Variants in PREX2 observed in about 807,000 individuals in gnomAD.
PREX2 encodes the protein phosphatidylinositol 3,4,5-trisphosphate-dependent Rac exchanger 2 protein.
A neutral mutation model predicts 203.2 loss-of-function variants in PREX2; 107 were observed. That is an observed-to-expected ratio of 0.53 (90% CI 0.45 to 0.62). PREX2 has a LOEUF of 0.62. Ranked by LOEUF, PREX2 falls within the 20% of genes least tolerant of loss-of-function variation. The pLI, the probability that PREX2 is intolerant of heterozygous loss-of-function variation, is 0.00. For synonymous variants in PREX2, 672 were observed against 663.6 expected (o/e 1.01, Z -0.19); for missense variants, 1,777 against 1,955.9 (o/e 0.91, Z 1.72).
chr8:68,027,959 G>A (rs931420731), intron 5 of PREX2, among the ~76,000 whole-genome samples: 6 of 151,932 alleles, frequency 3.9e-5, no homozygotes, highest in Non-Finnish European at 7.4e-5. Context: ...TACTGCAAGG[G>A]ACCTATGAAT....
chr8:68,104,156 C>T (rs1469692790), intron 23 of PREX2, among the ~76,000 whole-genome samples: 1 of 152,174 alleles, frequency 6.6e-6, no homozygotes, highest in Non-Finnish European at 1.5e-5. Context: ...GCTTTACCTT[C>T]AAACATGCAG....
chr8:67,989,525 C>T (rs1451957489), intron 1 of PREX2, among the ~76,000 whole-genome samples: 1 of 152,082 alleles, frequency 6.6e-6, no homozygotes, highest in African/African-American at 2.4e-5. Flanking sequence ...AGTATTTGAA[C>T]TGTTTAGCCA....
rs574007135 is a variant in PREX2, at chr8:67,959,769, C to A, written c.141+7234C>A. ...CTGCCTGGGATGGTCTTTGTGGCCC[C>A]TTGTGAACACATACCAGAGGCTCTC... is the stretch of plus-strand genomic sequence containing the variant. On this transcript the variant is annotated intron_variant, in intron 1 of 39. Transcript: ENST00000288368. Among the ~76,000 whole-genome samples the A allele has an allele frequency of 6.8e-4, 103 of 152,242 alleles. 1 individual carries two copies. Among genetic ancestry groups the A allele is most frequent in the Middle Eastern group, 6.8e-3 (2 of 294 alleles).
At chr8:68,044,428 T>C (rs1408345676) in intron 7 of PREX2, 59 bp from the exon 8 acceptor site, 1 of 1,221,194 alleles carries the variant, frequency 8.2e-7, no homozygotes, top group Non-Finnish European at 1.2e-6. Flanking sequence ...AATATATTGT[T>C]TTGACATTGT....
At chr8:67,968,813 T>C (rs1365846796) in intron 1 of PREX2, among the ~76,000 whole-genome samples, 3 of 152,150 alleles carry the variant, frequency 2.0e-5, no homozygotes, top group Non-Finnish European at 4.4e-5. Flanking sequence ...TCTGACAAAA[T>C]GGAGACAATC....
intron 11 of PREX2, among the ~76,000 whole-genome samples, chr8:68,067,731 T>C (rs1344288096): frequency 1.3e-5 from 2 of 152,098 alleles, no homozygotes; most frequent in Non-Finnish European, 2.9e-5. Context: ...CCCTAATTGC[T>C]CTGGTTAGGA....
In PREX2 at chr8:68,069,085, T is replaced by C; in HGVS notation, c.1392T>C (p.Tyr464=). The change falls in exon 12 of 40, where the codon TAT becomes TAC. Residue 464 remains tyrosine (Y), a synonymous_variant. Coordinates refer to ENST00000288368, the MANE Select transcript of PREX2 (RefSeq NM_024870.4). ...AACAGATGTTATATAGATTTCGCTA[T>C]GATGATGGAACATTTTATCCAAGAA... ...KPEQMLYRFR[Y]DDGTFYPRNE... is the part of the protein sequence containing the mutation. The C allele has an allele frequency of 6.3e-7, 1 of 1,576,398 alleles. No individual in the cohort carries two copies. Among genetic ancestry groups the C allele is most frequent in the Non-Finnish European group, 8.6e-7 (1 of 1,164,940 alleles).
chr8:68,179,801 T>A (rs1812050872), intron 35 of PREX2, among the ~76,000 whole-genome samples: 1 of 152,202 alleles, frequency 6.6e-6, no homozygotes, highest in South Asian at 2.1e-4. Flanking sequence ...GAATTCATAA[T>A]GTGTGATTAG....
intron 10 of PREX2, among the ~76,000 whole-genome samples, chr8:68,060,163 A>G (rs779048211): frequency 1.1e-4 from 16 of 152,172 alleles, no homozygotes; most frequent in Middle Eastern, 3.2e-3. Context: ...TTTCTGTAGA[A>G]TCCTACCTAC....
At chr8:68,109,155 ATAT>A in intron 24 of PREX2, 1 of 482,420 alleles carries the variant, frequency 2.1e-6, no homozygotes, top group South Asian at 2.1e-5. Context: ...TATAGTTAAC[ATAT>A]TGTATTCTTG....
Position 68,231,752 on chromosome 8 carries a change from TC to T in PREX2, c.*377del, listed in dbSNP as rs1813175047. On this transcript the variant is annotated 3_prime_UTR_variant, in exon 40 of 40. Coordinates refer to ENST00000288368, the MANE Select transcript of PREX2 (RefSeq NM_024870.4). ...GTTTTATTATGCTTGTTTTCATCTTTCCCAAGTGGACACATGTAATAATGGA... is the reference window on the plus strand; with the variant it reads ...GTTTTATTATGCTTGTTTTCATCTTTCCAAGTGGACACATGTAATAATGGA... 1 of 190,440 alleles carries T rather than the reference TC, an allele frequency of 5.3e-6. No homozygotes were observed. The highest frequency in any genetic ancestry group is 9.4e-5 in the East Asian group (1 of 10,682). The allele number at this position is 190,440 out of a possible 1,614,324, so 11.8% of individuals were successfully genotyped here.
intron 1 of PREX2, 107 bp downstream of exon 1, chr8:67,952,642 C>A: frequency 6.9e-7 from 1 of 1,457,958 alleles, no homozygotes; most frequent in Non-Finnish European, 9.4e-7. Context: ...GGACCCGGGA[C>A]GGGTCGGGGC....
intron 14 of PREX2, 108 bp from the exon 15 acceptor site, chr8:68,077,289 A>T: frequency 1.3e-6 from 1 of 791,268 alleles, no homozygotes. Context: ...TGCATGCTTT[A>T]TAAGCGAAGC....
chr8:68,106,809 A>AT (rs1340358680), intron 23 of PREX2, among the ~76,000 whole-genome samples: 3 of 152,312 alleles, frequency 2.0e-5, no homozygotes, highest in Middle Eastern at 3.4e-3. Flanking sequence ...GATCATGGTT[A>AT]TAGTTTTCAA....
chr8:68,145,132 A>C (rs1257111954), intron 33 of PREX2, among the ~76,000 whole-genome samples: 1 of 152,188 alleles, frequency 6.6e-6, no homozygotes, highest in Non-Finnish European at 1.5e-5. Context: ...CAGAAAAAAA[A>C]GATTTTCCCA....
rs118075292 is a variant in PREX2 at position 68,112,154 on chromosome 8, C to A, written c.3146+2531C>A. On this transcript the variant is annotated intron_variant, in intron 25 of 39. Transcript: ENST00000288368. Reference sequence around the variant, plus strand: ...ATGGAATTAGAGATGAATTTGCTGTCTAGTAACATGAGGTAAGATGATGTA... The same window carrying A: ...ATGGAATTAGAGATGAATTTGCTGTATAGTAACATGAGGTAAGATGATGTA... Among the ~76,000 whole-genome samples the A allele has an allele frequency of 7.9e-5, 12 of 152,222 alleles. No individual in the cohort carries two copies. In the East Asian group the frequency reaches 2.1e-3, roughly 27 times the overall value.
chr8:68,105,645 A>G (rs1438048422), intron 23 of PREX2: 10 of 916,024 alleles, frequency 1.1e-5, no homozygotes, highest in Non-Finnish European at 1.3e-5. Context: ...TGCACTGCAT[A>G]ACATTTCAGT....
At chr8:67,995,332 G>T (rs927427253) in intron 1 of PREX2, among the ~76,000 whole-genome samples, 7 of 152,236 alleles carry the variant, frequency 4.6e-5, no homozygotes, top group African/African-American at 1.7e-4. Flanking sequence ...CTGTTTTGAA[G>T]ATAAGTGATG....
At chr8:68,194,551 G>T (rs1413627576) in intron 37 of PREX2, among the ~76,000 whole-genome samples, 2 of 151,760 alleles carry the variant, frequency 1.3e-5, no homozygotes, top group African/African-American at 4.8e-5. Context: ...ACTTCCGGAA[G>T]CTCAGGTGGG....
Sources: allele counts gnomAD v4.1 joint callset (sites outside exome capture counted in the v4.1 genomes callset), GRCh38; gene constraint gnomAD v4.1.1; transcripts MANE v1.5; gene names NCBI Gene and HGNC (gene_info 2026-07-23, HGNC 2026-07-21).